Variants in RC3H1 observed in about 807,000 individuals in gnomAD.
RC3H1 encodes roquin-1.
In RC3H1, 50 loss-of-function variants were observed where a neutral mutation model predicts 138.2. The ratio of observed to expected loss-of-function variants is 0.36; its 90% CI spans 0.29 to 0.46. The LOEUF (loss-of-function observed/expected upper bound fraction) is 0.46. Ranked by LOEUF, RC3H1 falls within the 20% of genes least tolerant of loss-of-function variation. The pLI is 1.00. For missense variants in RC3H1, 1,031 were observed against 1,388.1 expected (o/e 0.74, Z 4.09); for synonymous variants, 462 against 489.1 (o/e 0.94, Z 0.73).
chr1:173,972,462 G>T, intron 8 of RC3H1, 47 bp downstream of exon 8: 2 of 1,302,960 alleles, frequency 1.5e-6, no homozygotes, highest in South Asian at 1.2e-5. Flanking sequence ...ATAGTTTTAA[G>T]GCATATCCAC....
chr1:173,938,426 C>T lies in RC3H1; in HGVS notation c.*295G>A, dbSNP rs768985177. 1.8e-4 allele frequency: 37 copies of T among 208,688 alleles called. No homozygotes were observed. Among genetic ancestry groups the T allele is most frequent in the Non-Finnish European group, 3.2e-4 (34 of 105,948 alleles). 12.9% of individuals were successfully genotyped at this position (208,688 alleles called of 1,614,324 possible). On this transcript the variant is annotated 3_prime_UTR_variant, in exon 20 of 20. Transcript: ENST00000367696. ...ATCTTTTTTTTTTAAAGCCCTGGAT[C>T]CAAGGCGTCCAAAGTTATTAAAATA...
intron 10 of RC3H1, 24 bp from the exon 11 acceptor site, chr1:173,964,211 T>C: frequency 2.6e-6 from 4 of 1,568,468 alleles, no homozygotes; most frequent in Non-Finnish European, 3.5e-6. Context: ...ATTATGGAAG[T>C]TGTTTAAAAA....
intron 1 of RC3H1, among the ~76,000 whole-genome samples, chr1:174,021,823 C>A (rs1261399187): frequency 6.6e-6 from 1 of 152,256 alleles, no homozygotes; most frequent in Non-Finnish European, 1.5e-5. Flanking sequence ...CTCGTCCGAG[C>A]CTCCCTTCGT....
At chr1:174,018,374 AT>A (rs1239841513) in intron 1 of RC3H1, among the ~76,000 whole-genome samples, 3 of 152,190 alleles carry the variant, frequency 2.0e-5, no homozygotes, top group African/African-American at 7.2e-5. Context: ...AGAATATTAT[AT>A]AAGTAAACAG....
At chr1:174,017,783 CAAAAAAAAAA>C (rs61239660) in intron 1 of RC3H1, among the ~76,000 whole-genome samples, 3,260 of 72,100 alleles carry the variant, frequency 0.045, 260 homozygotes, top group African/African-American at 0.18. Context: ...TTTTCTTGCT[CAAAAAAAAAA>C]AAAAAAAAAA....
intron 2 of RC3H1, among the ~76,000 whole-genome samples, chr1:173,989,115 A>G (rs80108988): frequency 6.6e-6 from 1 of 152,338 alleles, no homozygotes; most frequent in African/African-American, 2.4e-5. Flanking sequence ...TGCAGCCTCC[A>G]TCAGGTGATC....
chr1:173,952,237 T>A (rs1347748476), intron 13 of RC3H1, 99 bp from the exon 14 acceptor site: 32 of 780,300 alleles, frequency 4.1e-5, no homozygotes. Flanking sequence ...AGCAGGGAAT[T>A]TCTTAGAACA....
intron 1 of RC3H1, among the ~76,000 whole-genome samples, chr1:174,017,938 T>C (rs1190114174): frequency 1.3e-5 from 2 of 151,980 alleles, no homozygotes; most frequent in East Asian, 1.9e-4. Context: ...GTTTAAAACA[T>C]TGTTATGCCT....
rs1325265397 is a variant in RC3H1 at position 173,938,438 on chromosome 1, A to C, written c.*283T>G. ...TAAAGCCCTGGATCCAAGGCGTCCAAAGTTATTAAAATAAAGTTCATTCAC... is the reference window on the plus strand; with the variant it reads ...TAAAGCCCTGGATCCAAGGCGTCCACAGTTATTAAAATAAAGTTCATTCAC... On this transcript the variant is annotated 3_prime_UTR_variant, in exon 20 of 20. Transcript: ENST00000367696. The C allele has an allele frequency of 3.0e-5, 7 of 231,400 alleles. No individual in the cohort carries two copies. The highest frequency in any genetic ancestry group is 2.7e-4 in the Admixed American group (5 of 18,310). 14.3% of individuals were successfully genotyped at this position (231,400 alleles called of 1,614,324 possible). A position where few individuals can be genotyped will look rare whatever the true frequency, so the allele number is the denominator to read the frequency against.
intron 1 of RC3H1, among the ~76,000 whole-genome samples, chr1:174,010,313 C>T (rs956841771): frequency 1.3e-5 from 2 of 151,958 alleles, no homozygotes; most frequent in African/African-American, 4.9e-5. Context: ...TGAGCATCTA[C>T]TACGTGCCAG....
intron 9 of RC3H1, among the ~76,000 whole-genome samples, chr1:173,966,368 C>T (rs770439769): frequency 6.6e-5 from 10 of 152,080 alleles, no homozygotes; most frequent in Non-Finnish European, 1.3e-4. Context: ...GATCTTTGTT[C>T]CTCAACAATG....
chr1:173,946,181 A>AAAAC (rs145559905), intron 17 of RC3H1, among the ~76,000 whole-genome samples: 77 of 152,106 alleles, frequency 5.1e-4, no homozygotes, highest in South Asian at 1.5e-3. Flanking sequence ...AAAGAAAACC[A>AAAAC]AAACAAACAA....
intron 1 of RC3H1, among the ~76,000 whole-genome samples, chr1:174,008,976 GAAAAAAAA>G (rs59047478): frequency 4.7e-5 from 4 of 84,242 alleles, no homozygotes; most frequent in Non-Finnish European, 7.7e-5. Context: ...GACTTTGTCT[GAAAAAAAA>G]AAAAAAAAAA....
Position 173,964,109 on chromosome 1 carries a change from C to T in RC3H1, c.1695G>A (p.Leu565=). 6.2e-7 allele frequency: 1 copy of T among 1,614,120 alleles called. No homozygotes were observed. The highest frequency in any genetic ancestry group is 8.5e-7 in the Non-Finnish European group (1 of 1,180,002). ...HSIPPRGPAD[L]PPMPVTKPLQ... ...GTGGTTTGGTAACAGGCATTGGAGGCAGATCTGCTGGCCCCCTTGGAGGTA... is the reference window on the plus strand; with the variant it reads ...GTGGTTTGGTAACAGGCATTGGAGGTAGATCTGCTGGCCCCCTTGGAGGTA... Residue 565 remains leucine (L), a synonymous_variant, in exon 11 of 20, where the codon CTG becomes CTA. Transcript: ENST00000367696.
rs751423799 is a variant in RC3H1 at position 173,961,964 on chromosome 1, A to T, written c.1963T>A (p.Tyr655Asn). Residue 655 changes from tyrosine to asparagine, a missense_variant, in exon 12 of 20, where the codon TAT becomes AAT. Tyr to Asn is a moderately radical substitution (Grantham distance 143). Coordinates refer to ENST00000367696, the MANE Select transcript of RC3H1 (RefSeq NM_172071.4). ...GGGTACTGCTGTGGCTGTGTGCCAT[A>T]CTGAGAGTTTACAACACGTTCTTGG... is the stretch of plus-strand genomic sequence containing the variant. ...YLQERVVNSQ[Y>N]GTQPQQYPPI... is the part of the protein sequence containing the mutation. 1 of 1,614,134 alleles carries T rather than the reference A, an allele frequency of 6.2e-7. No homozygotes were observed. Among genetic ancestry groups the T allele is most frequent in the East Asian group, 2.2e-5 (1 of 44,876 alleles).
chr1:174,010,713 T>C (rs767876852), intron 1 of RC3H1, among the ~76,000 whole-genome samples: 2 of 152,138 alleles, frequency 1.3e-5, no homozygotes, highest in Non-Finnish European at 2.9e-5. Context: ...ACGGTTTAAC[T>C]GATCTCTGTC....
Position 173,963,990 on chromosome 1 carries a change from G to A in RC3H1, c.1814C>T (p.Pro605Leu), listed in dbSNP as rs753883069. Residue 605 changes from proline (P) to leucine (L), a missense_variant, in exon 11 of 20, where the codon CCA becomes CTA. Coordinates refer to ENST00000367696, the MANE Select transcript of RC3H1 (RefSeq NM_172071.4). ...ATCGTTACCCTGCTGATAAGGTGCT[G>A]GTTCAAATGGCGGAGCTGCTCCTCG... Reference protein sequence around the residue: ...DPRGAAPPFEPAPYQQGMYYT... With the variant: ...DPRGAAPPFELAPYQQGMYYT... The A allele has an allele frequency of 6.2e-7, 1 of 1,613,914 alleles. No individual in the cohort carries two copies. The highest frequency in any genetic ancestry group is 8.5e-7 in the Non-Finnish European group (1 of 1,179,960).
intron 17 of RC3H1, among the ~76,000 whole-genome samples, chr1:173,945,398 T>C (rs1399277472): frequency 6.6e-6 from 1 of 152,186 alleles, no homozygotes; most frequent in Non-Finnish European, 1.5e-5. Flanking sequence ...AGTGCTGGGA[T>C]TACAAGCATG....
rs1659896310 is a variant in RC3H1 at position 173,961,871 on chromosome 1, T to C, written c.2056A>G (p.Ile686Val). 1 of 1,614,150 alleles carries C rather than the reference T, an allele frequency of 6.2e-7. No homozygotes were observed. The highest frequency in any genetic ancestry group is 8.5e-7 in the Non-Finnish European group (1 of 1,180,036). The change falls in exon 12 of 20, where the codon ATA becomes GTA. Residue 686 changes from isoleucine to valine, a missense_variant. Around this residue, in one of 7 missense-constraint regions of RC3H1, gnomAD observed 716 missense variants for 837.9 expected, o/e 0.85. Transcript: ENST00000367696. ...YPAPSYTREE[I>V]FRESPIPIEI... ...ATGGGTATAGGGCTTTCTCGGAATA[T>C]CTCTTCTCTTGTGTAAGACGGAGCA...
Sources: allele counts gnomAD v4.1 joint callset (sites outside exome capture counted in the v4.1 genomes callset), GRCh38; gene constraint gnomAD v4.1.1; regional missense constraint gnomAD v4.1.1; transcripts MANE v1.5; gene names NCBI Gene and HGNC (gene_info 2026-07-23, HGNC 2026-07-21).